NHSL2: variants seen among roughly 807,000 people sequenced by gnomAD.
NHSL2 encodes NHS like 2.
A neutral mutation model predicts 53.4 loss-of-function variants in NHSL2; 27 were observed. The ratio of observed to expected loss-of-function variants is 0.51; its 90% CI spans 0.37 to 0.70. NHSL2 has a LOEUF of 0.70. NHSL2 is among the 30% of genes least tolerant of loss of function. The pLI is 0.00. For missense variants in NHSL2, 892 were observed against 980.1 expected (o/e 0.91, Z 1.20); for synonymous variants, 408 against 404.1 (o/e 1.01, Z -0.12).
intron 1 of NHSL2, among the ~76,000 whole-genome samples, chrX:72,018,061 G>A (rs2042142671): frequency 8.9e-6 from 1 of 111,838 alleles, no homozygotes; most frequent in African/African-American, 3.3e-5. Context: ...ACAGAATCAA[G>A]CCCAATGCTT....
intron 1 of NHSL2, among the ~76,000 whole-genome samples, chrX:72,003,352 A>G (rs749648544): frequency 2.7e-5 from 3 of 111,601 alleles, no homozygotes. Context: ...CCTTCCAGCC[A>G]CCACCAGTTC....
intron 1 of NHSL2, among the ~76,000 whole-genome samples, chrX:71,928,613 C>G (rs1824813683): frequency 1.8e-5 from 2 of 111,097 alleles, no homozygotes; most frequent in Non-Finnish European, 3.8e-5. Context: ...AGCACTGTTT[C>G]CCCTCTACCA....
intron 1 of NHSL2, among the ~76,000 whole-genome samples, chrX:72,084,503 G>A (rs776375000): frequency 1.9e-4 from 21 of 112,486 alleles, no homozygotes; most frequent in Non-Finnish European, 3.8e-4. Flanking sequence ...CTGGAGCTGG[G>A]TTGGTCCTTT....
intron 1 of NHSL2, among the ~76,000 whole-genome samples, chrX:72,044,315 G>A (rs960394152): frequency 1.3e-4 from 14 of 111,912 alleles, no homozygotes; most frequent in Non-Finnish European, 2.3e-4. Context: ...ATTTAGGGCA[G>A]CTGACTGAAT....
At chrX:72,123,252 T>C (rs1419200688) in intron 1 of NHSL2, among the ~76,000 whole-genome samples, 1 of 111,849 alleles carries the variant, frequency 8.9e-6, no homozygotes, top group Non-Finnish European at 1.9e-5. Flanking sequence ...TGTCTGAAAT[T>C]TGGGCTAAGT....
At chrX:71,946,184 C>G (rs2041791854) in intron 1 of NHSL2, among the ~76,000 whole-genome samples, 1 of 111,760 alleles carries the variant, frequency 8.9e-6, no homozygotes, top group Non-Finnish European at 1.9e-5. Context: ...GGGAACCCAT[C>G]ACAGACAGGA....
At position 72,091,543 on chromosome X, in the gene NHSL2, G is replaced by A. The variant is rs143547086; in HGVS notation, c.281-40536G>A. 2.9e-3 allele frequency among the ~76,000 whole-genome samples: 328 copies of A among 112,149 alleles called. 2 individuals are homozygous for A. The highest frequency in any genetic ancestry group is 0.01 in the African/African-American group (321 of 30,863). On this transcript the variant is annotated intron_variant, in intron 1 of 7. Transcript: ENST00000633930. ...CCTGCCACTAGCTGTATATAGGAGT[G>A]CCTATTCCTCCATATCCTCTCTCCG...
intron 1 of NHSL2, among the ~76,000 whole-genome samples, chrX:72,030,478 A>G (rs1321479816): frequency 6.3e-5 from 7 of 111,263 alleles, no homozygotes; most frequent in African/African-American, 2.0e-4. Flanking sequence ...GTACATTTCA[A>G]TGAAGTTGTA....
intron 4 of NHSL2, among the ~76,000 whole-genome samples, chrX:72,135,754 G>T (rs181972362): frequency 1.7e-4 from 19 of 112,470 alleles, no homozygotes; most frequent in South Asian, 1.1e-3. Flanking sequence ...GTCTATCTTG[G>T]CCAGGCACAG....
chrX:71,974,572 T>C (rs1235252328), intron 1 of NHSL2, among the ~76,000 whole-genome samples: 2 of 112,159 alleles, frequency 1.8e-5, no homozygotes, highest in African/African-American at 6.5e-5. Flanking sequence ...GGTTTTGATA[T>C]TTCTTTCTAA....
chrX:71,993,227 T>A lies in NHSL2; in HGVS notation c.280+81860T>A, dbSNP rs909303222. On this transcript the variant is annotated intron_variant, in intron 1 of 7. Coordinates refer to ENST00000633930, the MANE Select transcript of NHSL2 (RefSeq NM_001013627.3). ...TTGTGCCGTTTCTGGCACACTCAGC[T>A]ACCCCCAGTGGCCTGGAAGCCCAGC... is the stretch of plus-strand genomic sequence containing the variant. Among the ~76,000 whole-genome samples, 3 of 112,449 alleles carry A rather than the reference T, an allele frequency of 2.7e-5. No homozygotes were observed. In the Admixed American group the frequency reaches 2.8e-4, roughly 11 times the overall value.
chrX:72,143,183 TG>T, intron 7 of NHSL2, 69 bp from the exon 8 acceptor site: 2 of 753,839 alleles, frequency 2.7e-6, no homozygotes, highest in Non-Finnish European at 3.8e-6. Flanking sequence ...GTCACAGGCA[TG>T]GGGGTCTGTG....
At chrX:71,965,869 A>G (rs2041898736) in intron 1 of NHSL2, 1 of 112,539 alleles carries the variant, frequency 8.9e-6, no homozygotes, top group South Asian at 3.6e-4. Context: ...GTGAATGCTA[A>G]TATAAACAGT....
intron 1 of NHSL2, among the ~76,000 whole-genome samples, chrX:71,955,032 A>G: frequency 8.9e-6 from 1 of 111,893 alleles, no homozygotes; most frequent in East Asian, 2.8e-4. Context: ...ACTTCCTTAT[A>G]CAATCCTCAC....
chrX:72,104,755 C>T (rs2042024469), intron 1 of NHSL2, among the ~76,000 whole-genome samples: 1 of 111,139 alleles, frequency 9.0e-6, no homozygotes. Flanking sequence ...CTGAGAAATG[C>T]AAGTGGGCAG....
At chrX:72,126,121 C>G (rs1298596861) in intron 1 of NHSL2, among the ~76,000 whole-genome samples, 1 of 111,926 alleles carries the variant, frequency 8.9e-6, no homozygotes, top group Non-Finnish European at 1.9e-5. Flanking sequence ...GGCGAAAGTC[C>G]CTGGCACATG....
intron 1 of NHSL2, among the ~76,000 whole-genome samples, chrX:71,948,546 T>C (rs1278927096): frequency 1.8e-5 from 2 of 111,403 alleles, no homozygotes; most frequent in Non-Finnish European, 3.8e-5. Flanking sequence ...AAAATGATGA[T>C]GTAGGCCAGG....
chrX:71,937,602 C>T (rs1186430379), intron 1 of NHSL2, among the ~76,000 whole-genome samples: 1 of 111,864 alleles, frequency 8.9e-6, no homozygotes, highest in Non-Finnish European at 1.9e-5. Flanking sequence ...AAAAACTTAC[C>T]CTTACTAATA....
intron 1 of NHSL2, among the ~76,000 whole-genome samples, chrX:71,964,294 AT>A (rs1335471960): frequency 2.1e-5 from 2 of 96,004 alleles, no homozygotes; most frequent in Admixed American, 1.2e-4. Flanking sequence ...ACTCCCACTT[AT>A]GAGTGGGAAC....
Sources: gnomAD v4.1 joint callset for allele counts (sites outside exome capture counted in the v4.1 genomes callset) on GRCh38, gnomAD v4.1.1 for gene constraint, MANE v1.5 for transcripts, NCBI Gene and HGNC (gene_info 2026-07-23, HGNC 2026-07-21) for gene names.